KDR: variants seen among roughly 807,000 people sequenced by gnomAD.
KDR encodes kinase insert domain receptor, also known as vascular endothelial growth factor receptor 2.
KDR carries 43 observed loss-of-function variants against 160.9 expected under a neutral mutation model. That is an observed-to-expected ratio of 0.27 (90% CI 0.21 to 0.34). The LOEUF is 0.34. KDR is among the 10% of genes least tolerant of loss of function. The pLI, the probability that KDR is intolerant of heterozygous loss-of-function variation, is 1.00. For synonymous variants in KDR, 617 were observed against 600.1 expected (o/e 1.03, Z -0.41); for missense variants, 1,469 against 1,666.4 (o/e 0.88, Z 2.06).
At chr4:55,093,899 A>G (rs1206429503) in intron 21 of KDR, among the ~76,000 whole-genome samples, 1 of 152,274 alleles carries the variant, frequency 6.6e-6, no homozygotes, top group South Asian at 2.1e-4. Context: ...ACCCAAAAAG[A>G]GCACTAAAAT....
chr4:55,084,117 A>G lies in KDR; in HGVS notation c.3663-1482T>C, dbSNP rs184127109. On this transcript the variant is annotated intron_variant, in intron 27 of 29. Coordinates refer to ENST00000263923, the MANE Select transcript of KDR (RefSeq NM_002253.4). ...CTATCCCAACTCTTCAGATGAGGAA[A>G]CCAAGGCATAGAAAATTTGAGGAAC... Among the ~76,000 whole-genome samples, 58 of 152,348 alleles carry G rather than the reference A, an allele frequency of 3.8e-4. No individual in the cohort carries two copies. In the East Asian group the frequency reaches 0.01, roughly 26 times the overall value.
At position 55,079,379 on chromosome 4, in the gene KDR, G is replaced by T; in HGVS notation, c.*562C>A. The T allele has an allele frequency of 4.0e-6, 1 of 247,996 alleles. No individual in the cohort carries two copies. The highest frequency in any genetic ancestry group is 4.9e-5 in the Admixed American group (1 of 20,514). 15.4% of individuals were successfully genotyped at this position (247,996 alleles called of 1,614,324 possible). ...ACAGACCCCATGCCCACCTCCACCA[G>T]AGCAAACACAATGCATTTGCAGGCT... On this transcript the variant is annotated 3_prime_UTR_variant, in exon 30 of 30. Transcript: ENST00000263923.
At position 55,088,980 on chromosome 4, in the gene KDR, A is replaced by G; in HGVS notation, c.3405-7T>C. On this transcript the variant is annotated splice_polypyrimidine_tract_variant and splice_region_variant and intron_variant, in intron 25 of 29. Transcript: ENST00000263923. ...GTCCAGCATGGTCTGGTACCTAGAG[A>G]AGCAAAACACTGATTTCATTAAATG... 1 of 1,589,160 alleles carries G rather than the reference A, an allele frequency of 6.3e-7. No individual in the cohort carries two copies. Among genetic ancestry groups the G allele is most frequent in the East Asian group, 2.2e-5 (1 of 44,778 alleles).
Position 55,104,780 on chromosome 4 carries a change from A to T in KDR, c.1850T>A (p.Phe617Tyr). The T allele has an allele frequency of 5.0e-6, 8 of 1,613,950 alleles. No homozygotes were observed. Among genetic ancestry groups the T allele is most frequent in the Non-Finnish European group, 5.9e-6 (7 of 1,179,894 alleles). The change falls in exon 13 of 30, where the codon TTC (phenylalanine) becomes TAC (tyrosine). Residue 617 changes from phenylalanine (F) to tyrosine (Y), a missense_variant. Around this residue, in one of 7 missense-constraint regions of KDR, gnomAD observed 792 missense variants for 840.9 expected, o/e 0.94. Coordinates refer to ENST00000263923, the MANE Select transcript of KDR (RefSeq NM_002253.4). ...CAAAATGTCATTTGTGCTATTAGAG[A>T]ACATGGTGGCATTCAATTTCCAAAG... is the stretch of plus-strand genomic sequence containing the variant. ...DTLWKLNATM[F>Y]SNSTNDILIM...
chr4:55,097,516 C>G (rs1486497547), intron 18 of KDR, 146 bp downstream of exon 18: 1 of 622,652 alleles, frequency 1.6e-6, no homozygotes, highest in Non-Finnish European at 2.9e-6. Flanking sequence ...GATCCTTTTT[C>G]CAATTTGCAC....
chr4:55,113,244 AATTT>A, intron 7 of KDR, 56 bp downstream of exon 7: 1 of 1,557,134 alleles, frequency 6.4e-7, no homozygotes, highest in Non-Finnish European at 8.9e-7. Context: ...AAGTGACCTA[AATTT>A]ATTTAAATTA....
intron 16 of KDR, 38 bp from the exon 17 acceptor site, chr4:55,098,310 T>C: frequency 1.2e-6 from 2 of 1,612,712 alleles, no homozygotes; most frequent in Non-Finnish European, 1.7e-6. Context: ...AAACACACTG[T>C]TGTTTGGCTG....
At chr4:55,119,474 A>G (rs1412063361) in intron 2 of KDR, among the ~76,000 whole-genome samples, 1 of 152,204 alleles carries the variant, frequency 6.6e-6, no homozygotes, top group African/African-American at 2.4e-5. Flanking sequence ...AAAGTAAGGA[A>G]AGTTTATTGT....
chr4:55,084,936 A>G (rs1170937143), intron 27 of KDR, among the ~76,000 whole-genome samples: 2 of 152,236 alleles, frequency 1.3e-5, no homozygotes, highest in Non-Finnish European at 2.9e-5. Flanking sequence ...GTCTAATGGT[A>G]GAGCCAAACT....
chr4:55,089,050 A>T, intron 25 of KDR, 77 bp from the exon 26 acceptor site: 1 of 1,054,610 alleles, frequency 9.5e-7, no homozygotes, highest in Non-Finnish European at 1.5e-6. Flanking sequence ...AAATGAGTAC[A>T]CATTTGTAAA....
Position 55,082,027 on chromosome 4 carries a change from G to T in KDR, c.3777C>A (p.Asp1259Glu). Residue 1259 changes from aspartate to glutamate, a missense_variant, in exon 29 of 30, where the codon GAC becomes GAA. Asp to Glu is a conservative substitution (Grantham distance 45). Transcript: ENST00000263923. ...VKVIPDDNQT[D>E]SGMVLASEEL... Reference sequence around the variant, plus strand: ...CTTCTGAGGCAAGAACCATACCACTGTCCGTCTGGTTGTCCTTTTTAAGAG... The same window carrying T: ...CTTCTGAGGCAAGAACCATACCACTTTCCGTCTGGTTGTCCTTTTTAAGAG... 1 of 1,612,706 alleles carries T rather than the reference G, an allele frequency of 6.2e-7. No individual in the cohort carries two copies. The highest frequency in any genetic ancestry group is 8.5e-7 in the Non-Finnish European group (1 of 1,178,694).
At position 55,113,406 on chromosome 4, in the gene KDR, A is replaced by C. The variant is rs1439832557; in HGVS notation, c.874T>G (p.Leu292Val). The C allele has an allele frequency of 1.2e-6, 2 of 1,614,036 alleles. No homozygotes were observed. Among genetic ancestry groups the C allele is most frequent in the Non-Finnish European group, 1.7e-6 (2 of 1,179,958 alleles). ...GSEMKKFLST[L>V]TIDGVTRSDQ... ...CTCCGGGTTACACCATCTATAGTTA[A>C]GGTGCTCAAAAATTTCTTCATCTCA... The change falls in exon 7 of 30, where the codon TTA (leucine) becomes GTA (valine). Residue 292 changes from leucine to valine, a missense_variant. By Grantham distance (32) the Leu-to-Val change is conservative. Transcript: ENST00000263923.
intron 10 of KDR, among the ~76,000 whole-genome samples, chr4:55,107,112 G>A (rs1578135687): frequency 6.6e-6 from 1 of 152,206 alleles, no homozygotes; most frequent in South Asian, 2.1e-4. Flanking sequence ...AGGAAACTTA[G>A]AAGCCACTGG....
intron 9 of KDR, 117 bp downstream of exon 9, chr4:55,110,286 A>C: frequency 1.8e-6 from 2 of 1,087,954 alleles, no homozygotes; most frequent in Non-Finnish European, 2.8e-6. Context: ...TTTTGTACGC[A>C]GGCCCAGCCA....
intron 6 of KDR, 67 bp downstream of exon 6, chr4:55,114,059 C>G: frequency 1.9e-6 from 3 of 1,585,736 alleles, no homozygotes; most frequent in Non-Finnish European, 2.6e-6. Flanking sequence ...CCCTATCTCT[C>G]AAGCAAACTT....
intron 27 of KDR, 67 bp downstream of exon 27, chr4:55,087,540 C>A: frequency 1.4e-6 from 2 of 1,463,724 alleles, no homozygotes; most frequent in Non-Finnish European, 1.9e-6. Context: ...CCTTCCACTT[C>A]CAATCCCCCT....
intron 15 of KDR, among the ~76,000 whole-genome samples, chr4:55,099,275 C>G (rs201014808): frequency 6.6e-6 from 1 of 152,192 alleles, no homozygotes; most frequent in East Asian, 1.9e-4. Context: ...CTGCCTTGGC[C>G]TCCCAAAGTG....
rs1022701610 is a variant in KDR at position 55,106,668 on chromosome 4, T to C, written c.1536+19A>G. 4 of 1,511,980 alleles carry C rather than the reference T, an allele frequency of 2.6e-6. No individual in the cohort carries two copies. The highest frequency in any genetic ancestry group is 1.4e-5 in the African/African-American group (1 of 72,746). The allele number at this position is 1,511,980 out of a possible 1,614,324, so 93.7% of individuals were successfully genotyped here. A position where few individuals can be genotyped will look rare whatever the true frequency, so the allele number is the denominator to read the frequency against. On this transcript the variant is annotated intron_variant, in intron 11 of 29. Transcript: ENST00000263923. The stretch of plus-strand genomic sequence containing the variant: ...ATTAAAGAGAGAGAGATTTTCAAAT[T>C]TTAAAACTTCAAACTCACTTTGTTT...
At position 55,111,118 on chromosome 4, in the gene KDR, C is replaced by T. The variant is rs149253850; in HGVS notation, c.977-350G>A. On this transcript the variant is annotated intron_variant, in intron 7 of 29. Transcript: ENST00000263923. ...CTCTGCTCCCATGACAGCCTCCACA[C>T]ACCTCTTCCACCATGAGGCCCCAGG... 9.1e-4 allele frequency among the ~76,000 whole-genome samples: 139 copies of T among 152,330 alleles called. No individual in the cohort carries two copies. The East Asian group carries it at 0.013, about 14-fold the overall frequency.
Sources: gnomAD v4.1 joint callset for allele counts (sites outside exome capture counted in the v4.1 genomes callset) on GRCh38, gnomAD v4.1.1 for gene constraint, gnomAD v4.1.1 regional missense constraint, MANE v1.5 for transcripts, NCBI Gene and HGNC (gene_info 2026-07-23, HGNC 2026-07-21) for gene names.